The following STYX variants were observed in gnomAD, a reference collection of about 807,000 sequenced individuals.
STYX encodes serine/threonine/tyrosine interacting protein, also known as serine/threonine/tyrosine-interacting protein.
Under a neutral mutation model 42.7 loss-of-function variants are expected in STYX, and 20 were observed. The ratio of observed to expected loss-of-function variants is 0.47; its 90% CI spans 0.33 to 0.68. The LOEUF (loss-of-function observed/expected upper bound fraction) is 0.68, where lower values mean the gene tolerates loss of function less well. STYX is among the 30% of genes least tolerant of loss of function. The pLI is 0.02. For synonymous variants in STYX, 78 were observed against 81.9 expected, an observed-to-expected ratio of 0.95 and a Z score of 0.26; for missense variants, 226 against 268.5, an observed-to-expected ratio of 0.84 and a Z score of 1.11.
Position 52,759,743 on chromosome 14 carries a change from C to T in STYX, c.493C>T (p.His165Tyr). 5 of 1,607,984 alleles carry T rather than the reference C, an allele frequency of 3.1e-6. No individual in the cohort carries two copies. Among genetic ancestry groups the T allele is most frequent in the Non-Finnish European group, 4.3e-6 (5 of 1,176,100 alleles). ...TATTAATCCTAATGCTGGATTTGTCCATCAACTTCAGGTAACTTTTCTTCC... is the reference window on the plus strand; with the variant it reads ...TATTAATCCTAATGCTGGATTTGTCTATCAACTTCAGGTAACTTTTCTTCC... ...FCINPNAGFV[H>Y]QLQEYEAIYL... The change falls in exon 9 of 11, where the codon CAT becomes TAT. Residue 165 changes from histidine (H) to tyrosine (Y), a missense_variant. His to Tyr is a moderately conservative substitution (Grantham distance 83). Transcript: ENST00000354586.
chr14:52,745,353 G>A (rs1471102674), intron 2 of STYX, among the ~76,000 whole-genome samples: 1 of 152,042 alleles, frequency 6.6e-6, no homozygotes, highest in Non-Finnish European at 1.5e-5. Flanking sequence ...CTGACCTCAG[G>A]TGATCCAGTG....
intron 3 of STYX, among the ~76,000 whole-genome samples, chr14:52,749,986 T>C (rs1188851659): frequency 6.6e-6 from 1 of 152,170 alleles, no homozygotes; most frequent in African/African-American, 2.4e-5. Flanking sequence ...TAAACTTGGA[T>C]ACCATCCCCA....
intron 1 of STYX, among the ~76,000 whole-genome samples, chr14:52,740,357 A>G (rs1424978895): frequency 1.3e-5 from 2 of 152,348 alleles, no homozygotes; most frequent in South Asian, 2.1e-4. Flanking sequence ...CTTTATTTCT[A>G]TTCTGTTAAT....
intron 5 of STYX, 143 bp from the exon 6 acceptor site, chr14:52,757,176 C>A (rs1417831010): frequency 8.4e-6 from 5 of 596,658 alleles, no homozygotes; most frequent in Non-Finnish European, 1.1e-5. Flanking sequence ...TGTAATAGTT[C>A]TATTTATAGC....
chr14:52,752,060 T>A (rs1303869151), intron 4 of STYX, among the ~76,000 whole-genome samples: 1 of 151,878 alleles, frequency 6.6e-6, no homozygotes, highest in Non-Finnish European at 1.5e-5. Context: ...CTCAGGAGAC[T>A]GAGGCAGGAG....
intron 1 of STYX, among the ~76,000 whole-genome samples, chr14:52,739,436 A>G (rs1881093126): frequency 6.6e-6 from 1 of 152,070 alleles, no homozygotes; most frequent in Non-Finnish European, 1.5e-5. Context: ...CTTCAGGAAG[A>G]TAAGGCTGGC....
In STYX at chr14:52,771,140, A is replaced by G. The variant is rs1380847161; in HGVS notation, c.*34A>G. The stretch of plus-strand genomic sequence containing the variant: ...GCAACATCATAGAGTGTGAATTTCT[A>G]TTTGGGAAGGAGAAAATACAAGAGA... On this transcript the variant is annotated 3_prime_UTR_variant, in exon 11 of 11. Transcript: ENST00000354586. 1.3e-6 allele frequency: 2 copies of G among 1,551,544 alleles called. No homozygotes were observed. The highest frequency in any genetic ancestry group is 1.9e-5 in the Admixed American group (1 of 53,688).
intron 9 of STYX, among the ~76,000 whole-genome samples, chr14:52,762,730 C>G (rs1882140831): frequency 6.6e-6 from 1 of 151,768 alleles, no homozygotes. Context: ...GTATATGGCA[C>G]CTGTGAAATA....
chr14:52,757,857 T>C lies in STYX; in HGVS notation c.381-17T>C. On this transcript the variant is annotated splice_polypyrimidine_tract_variant and intron_variant, in intron 7 of 10. Coordinates refer to ENST00000354586, the MANE Select transcript of STYX (RefSeq NM_145251.4). The stretch of plus-strand genomic sequence containing the variant: ...TGTATTTTCTGGTTGTTTTTAAAAT[T>C]ATTTTCCCCTCTTCAGTGCAGCCTT... 2 of 1,613,062 alleles carry C rather than the reference T, an allele frequency of 1.2e-6. No individual in the cohort carries two copies. Among genetic ancestry groups the C allele is most frequent in the Non-Finnish European group, 8.5e-7 (1 of 1,179,772 alleles).
intron 9 of STYX, among the ~76,000 whole-genome samples, chr14:52,760,378 A>G (rs1006093502): frequency 3.9e-5 from 6 of 152,198 alleles, no homozygotes; most frequent in African/African-American, 1.4e-4. Context: ...TATACTAACT[A>G]TAACAGCTTT....
In STYX at chr14:52,732,091, G is replaced by GTTT. The variant is rs560828155; in HGVS notation, c.57+1580_57+1582dup. Among the ~76,000 whole-genome samples the GTTT allele has an allele frequency of 3.8e-3, 323 of 85,902 alleles. 3 individuals are homozygous for GTTT. Among genetic ancestry groups the GTTT allele is most frequent in the African/African-American group, 0.012 (253 of 21,070 alleles). The allele number at this position is 85,902 out of a possible 152,430, so 56.4% of individuals were successfully genotyped here. A position where few individuals can be genotyped will look rare whatever the true frequency, so the allele number is the denominator to read the frequency against. On this transcript the variant is annotated intron_variant, in intron 1 of 10. Coordinates refer to ENST00000354586, the MANE Select transcript of STYX (RefSeq NM_145251.4). ...CACCTGGCCCAAGAATATACTCATG[G>GTTT]TTTTTTTTTTTTTTTTTTTTTTGAC... is the stretch of plus-strand genomic sequence containing the variant.
intron 1 of STYX, among the ~76,000 whole-genome samples, chr14:52,731,155 C>T (rs1880682227): frequency 6.6e-6 from 1 of 152,134 alleles, no homozygotes; most frequent in Non-Finnish European, 1.5e-5. Flanking sequence ...TTTTACTCCA[C>T]CTTAGATCCC....
At position 52,772,636 on chromosome 14, in the gene STYX, G is replaced by C. The variant is rs1392689421; in HGVS notation, c.*1530G>C. 1 of 152,502 alleles carries C rather than the reference G, an allele frequency of 6.6e-6. No individual in the cohort carries two copies. Among genetic ancestry groups the C allele is most frequent in the Admixed American group, 6.5e-5 (1 of 15,268 alleles). The allele number at this position is 152,502 out of a possible 1,614,324, so 9.4% of individuals were successfully genotyped here. On this transcript the variant is annotated 3_prime_UTR_variant, in exon 11 of 11. Transcript: ENST00000354586. ...TTCCCTTGGTACCAAGAGGTACTAT[G>C]CAAAGTAACCTATTACACCAAGTTA...
chr14:52,755,123 T>TG lies in STYX; in HGVS notation c.243-1428_243-1427insG, dbSNP rs938293364. Among the ~76,000 whole-genome samples the TG allele has an allele frequency of 5.4e-5, 8 of 149,120 alleles. No individual in the cohort carries two copies. In the East Asian group the frequency reaches 5.8e-4, roughly 11 times the overall value. ...TGTTTTTTTTTGTTTGTTTTTTTGTTTTTTTTTTTTTGTTTTTGAAACAGA... is the reference window on the plus strand; with the variant it reads ...TGTTTTTTTTTGTTTGTTTTTTTGTTGTTTTTTTTTTTGTTTTTGAAACAGA... On this transcript the variant is annotated intron_variant, in intron 4 of 10. Coordinates refer to ENST00000354586, the MANE Select transcript of STYX (RefSeq NM_145251.4).
intron 4 of STYX, among the ~76,000 whole-genome samples, chr14:52,756,315 T>C (rs1011961448): frequency 2.6e-5 from 4 of 152,156 alleles, no homozygotes; most frequent in Non-Finnish European, 4.4e-5. Context: ...GCATGAGCCA[T>C]TGTGCCCAGC....
intron 3 of STYX, among the ~76,000 whole-genome samples, chr14:52,748,897 A>G (rs1002071444): frequency 5.9e-5 from 9 of 152,244 alleles, no homozygotes; most frequent in African/African-American, 1.4e-4. Flanking sequence ...CCAAATGCTT[A>G]TCTCACTTTC....
intron 6 of STYX, 23 bp from the exon 7 acceptor site, chr14:52,757,720 A>G (rs1379125392): frequency 1.2e-5 from 20 of 1,612,506 alleles, no homozygotes; most frequent in Admixed American, 3.3e-5. Context: ...TTTCTATTAG[A>G]ATAATGAATT....
intron 9 of STYX, among the ~76,000 whole-genome samples, chr14:52,765,605 A>C (rs939265626): frequency 1.3e-5 from 2 of 152,208 alleles, no homozygotes; most frequent in African/African-American, 4.8e-5. Context: ...AAGGTTGTCT[A>C]GATCAGCAGT....
chr14:52,757,292 A>G, intron 5 of STYX, 27 bp from the exon 6 acceptor site: 3 of 1,584,338 alleles, frequency 1.9e-6, no homozygotes, highest in Non-Finnish European at 2.6e-6. Context: ...TTATGCTTAC[A>G]TTAATCCACA....
Sources: allele counts gnomAD v4.1 joint callset (sites outside exome capture counted in the v4.1 genomes callset), GRCh38; gene constraint gnomAD v4.1.1; transcripts MANE v1.5; gene names NCBI Gene and HGNC (gene_info 2026-07-23, HGNC 2026-07-21).